The following SLC16A12 variants were observed in gnomAD, a reference collection of about 807,000 sequenced individuals.
SLC16A12 encodes solute carrier family 16 member 12.
Under a neutral mutation model 42.4 loss-of-function variants are expected in SLC16A12, and 17 were observed. The ratio of observed to expected loss-of-function variants is 0.40; its 90% confidence interval spans 0.27 to 0.60. The LOEUF is 0.60. SLC16A12 is among the 20% of genes least tolerant of loss of function. The pLI is 0.42. For synonymous variants in SLC16A12, 224 were observed against 229.4 expected (o/e 0.98, Z 0.21); for missense variants, 544 against 623.0 (o/e 0.87, Z 1.35).
intron 2 of SLC16A12, among the ~76,000 whole-genome samples, chr10:89,552,249 T>G (rs1244441518): frequency 3.3e-5 from 5 of 152,194 alleles, no homozygotes; most frequent in Non-Finnish European, 5.9e-5. Context: ...AGAGATGTAT[T>G]AATGTTGATT....
At chr10:89,539,461 T>G (rs981216880), upstream of SLC16A12, among the ~76,000 whole-genome samples, 1 of 152,212 alleles carries the variant, frequency 6.6e-6, no homozygotes, top group Middle Eastern at 3.2e-3. Context: ...TATTGCACCA[T>G]GGTTCAGTGG....
At chr10:89,436,462 T>C (rs1203748298) in intron 6 of SLC16A12, 143 bp from the exon 7 acceptor site, 1 of 1,014,374 alleles carries the variant, frequency 9.9e-7, no homozygotes, top group Non-Finnish European at 1.5e-6. Context: ...TGTCTTCCTA[T>C]CTTTCTTTTT....
intron 2 of SLC16A12, among the ~76,000 whole-genome samples, chr10:89,502,300 A>G (rs1309671394): frequency 6.6e-6 from 1 of 152,072 alleles, no homozygotes; most frequent in Non-Finnish European, 1.5e-5. Flanking sequence ...AATAAAAAAA[A>G]TTAGCCAGGC....
chr10:89,492,342 C>T lies in SLC16A12; in HGVS notation c.-46-29718G>A, dbSNP rs1192241848. Among the ~76,000 whole-genome samples, 3 of 152,002 alleles carry T rather than the reference C, an allele frequency of 2.0e-5. No homozygotes were observed. The East Asian group carries it at 5.8e-4, about 29-fold the overall frequency. On this transcript the variant is annotated intron_variant, in intron 2 of 7. Coordinates refer to ENST00000371790, the MANE Select transcript of SLC16A12 (RefSeq NM_213606.4). Reference sequence around the variant, plus strand: ...TTATCCACTAAAGGTTATTTTTGATCTTCCCTTTTATATGTCGCCCGAGAT... The same window carrying T: ...TTATCCACTAAAGGTTATTTTTGATTTTCCCTTTTATATGTCGCCCGAGAT...
chr10:89,473,687 G>T (rs966814172), intron 2 of SLC16A12, among the ~76,000 whole-genome samples: 1 of 152,096 alleles, frequency 6.6e-6, no homozygotes, highest in African/African-American at 2.4e-5. Context: ...ATTTCTAAAT[G>T]AACTCTACTA....
upstream of SLC16A12, among the ~76,000 whole-genome samples, chr10:89,537,145 G>GTT (rs376769096): frequency 5.0e-3 from 531 of 105,490 alleles, 6 homozygotes; most frequent in Middle Eastern, 0.027. Context: ...CCGTAGGTAT[G>GTT]TTTTTTTTTT....
Position 89,432,694 on chromosome 10 carries a change from A to C in SLC16A12, c.*370T>G. 5.1e-6 allele frequency: 1 copy of C among 196,536 alleles called. No homozygotes were observed. The allele number at this position is 196,536 out of a possible 1,614,324, so 12.2% of individuals were successfully genotyped here. On this transcript the variant is annotated 3_prime_UTR_variant, in exon 8 of 8. Transcript: ENST00000371790. The stretch of plus-strand genomic sequence containing the variant: ...TTTCCATTTTCTTTCTGAGGAGGGA[A>C]CATGAAGGGCCTGAGACTGGAACAA...
In SLC16A12 at chr10:89,459,743, C is replaced by A. The variant is rs910687405; in HGVS notation, c.200+2636G>T. The stretch of plus-strand genomic sequence containing the variant: ...TCACCTGAGGTCAGGAGTTTGAGAC[C>A]ATCCTGGCCAACATGGTGAAACCCC... On this transcript the variant is annotated intron_variant, in intron 3 of 7. Coordinates refer to ENST00000371790, the MANE Select transcript of SLC16A12 (RefSeq NM_213606.4). Among the ~76,000 whole-genome samples, 73 of 152,202 alleles carry A rather than the reference C, an allele frequency of 4.8e-4. 1 individual carries two copies. Among genetic ancestry groups the A allele is most frequent in the Non-Finnish European group, 9.0e-4 (61 of 68,006 alleles).
At position 89,430,755 on chromosome 10, in the gene SLC16A12, T is replaced by C; in HGVS notation, c.*2309A>G. The C allele has an allele frequency of 2.2e-6, 1 of 461,930 alleles. No homozygotes were observed. The highest frequency in any genetic ancestry group is 4.5e-6 in the Non-Finnish European group (1 of 224,616). The allele number at this position is 461,930 out of a possible 1,614,324, so 28.6% of individuals were successfully genotyped here. ...CCCAAATGTTTTTATACAAAATCTT[T>C]AAAATTTCTGATCACTATGCTTATT... is the stretch of plus-strand genomic sequence containing the variant. On this transcript the variant is annotated 3_prime_UTR_variant, in exon 8 of 8. Coordinates refer to ENST00000371790, the MANE Select transcript of SLC16A12 (RefSeq NM_213606.4).
intron 6 of SLC16A12, among the ~76,000 whole-genome samples, chr10:89,437,421 T>C (rs965288454): frequency 4.6e-5 from 7 of 152,172 alleles, no homozygotes; most frequent in African/African-American, 1.7e-4. Context: ...AGGCAAATAT[T>C]GCACTGGCTC....
At chr10:89,550,103 G>A (rs549936234) in intron 2 of SLC16A12, among the ~76,000 whole-genome samples, 2 of 152,028 alleles carry the variant, frequency 1.3e-5, no homozygotes, top group East Asian at 1.9e-4. Context: ...CATCTGCACT[G>A]TGACAACATC....
chr10:89,440,073 CAAAAAAAAAA>C (rs10674171), intron 5 of SLC16A12, among the ~76,000 whole-genome samples: 5 of 31,430 alleles, frequency 1.6e-4, no homozygotes, highest in South Asian at 2.0e-3. Flanking sequence ...GACCCTGTCT[CAAAAAAAAAA>C]AAAAAAAAAA....
At position 89,439,121 on chromosome 10, in the gene SLC16A12, G is replaced by T. The variant is rs371779195; in HGVS notation, c.511C>A (p.Arg171=). The change falls in exon 6 of 8, where the codon CGG becomes AGG. Residue 171 remains arginine, a synonymous_variant. Transcript: ENST00000371790. Reference sequence around the variant, plus strand: ...GCGATACCATAAGCAAGGGCTTTCCGTCTGCTGAAGTACTTGCCAACCATG... The same window carrying T: ...GCGATACCATAAGCAAGGGCTTTCCTTCTGCTGAAGTACTTGCCAACCATG... ...IAMVGKYFSR[R]KALAYGIAMS... 2.5e-6 allele frequency: 4 copies of T among 1,613,906 alleles called. No homozygotes were observed. Among genetic ancestry groups the T allele is most frequent in the Admixed American group, 1.7e-5 (1 of 59,986 alleles).
At chr10:89,507,017 A>C (rs1843073456) in intron 2 of SLC16A12, among the ~76,000 whole-genome samples, 1 of 152,166 alleles carries the variant, frequency 6.6e-6, no homozygotes, top group Non-Finnish European at 1.5e-5. Context: ...CAAGAAGACA[A>C]GATTAGAGAA....
intron 2 of SLC16A12, among the ~76,000 whole-genome samples, chr10:89,549,960 T>C (rs747975431): frequency 1.3e-5 from 2 of 152,208 alleles, no homozygotes; most frequent in African/African-American, 4.8e-5. Flanking sequence ...AACTCTACTT[T>C]ATGGTTTTAT....
At chr10:89,459,514 T>TTGTGTGTGTGTGTGTGTG (rs1385309778) in intron 3 of SLC16A12, among the ~76,000 whole-genome samples, 1 of 84,878 alleles carries the variant, frequency 1.2e-5, no homozygotes, top group Non-Finnish European at 2.6e-5. Context: ...GTTTCTGTGT[T>TTGTGTGTGTGTGTGTGTG]TATGTGTGTG....
intron 2 of SLC16A12, among the ~76,000 whole-genome samples, chr10:89,520,061 C>T (rs1318694079): frequency 2.0e-5 from 3 of 149,228 alleles, no homozygotes; most frequent in Non-Finnish European, 3.0e-5. Context: ...TGCAGTGAGC[C>T]GAGATCGCGC....
Position 89,503,648 on chromosome 10 carries a change from C to T in SLC16A12, c.-47+30853G>A, listed in dbSNP as rs1843019897. On this transcript the variant is annotated intron_variant, in intron 2 of 7. Coordinates refer to ENST00000371790, the MANE Select transcript of SLC16A12 (RefSeq NM_213606.4). ...GTAGTAGCCTGAAAAGACCATGGGG[C>T]CAGGTGAGTCAAGAAGGGTGGGTGT... Among the ~76,000 whole-genome samples the T allele has an allele frequency of 2.6e-5, 4 of 152,214 alleles. No homozygotes were observed. In the South Asian group the frequency reaches 8.3e-4, roughly 32 times the overall value.
At position 89,436,069 on chromosome 10, in the gene SLC16A12, G is replaced by T; in HGVS notation, c.1279C>A (p.Pro427Thr). ...LHAVPYLVSP[P>T]IAGRLVDTTG... ...CTCTCTGGAAACTTACCTGCGATGG[G>T]TGGGCTCACCAAGTATGGCACTGCG... The change falls in exon 7 of 8, where the codon CCC (proline) becomes ACC (threonine). Residue 427 changes from proline (P) to threonine (T), a missense_variant. Transcript: ENST00000371790. The T allele has an allele frequency of 6.2e-7, 1 of 1,613,782 alleles. No individual in the cohort carries two copies. Among genetic ancestry groups the T allele is most frequent in the South Asian group, 1.1e-5 (1 of 91,058 alleles).
Sources: gnomAD v4.1 joint callset for allele counts (sites outside exome capture counted in the v4.1 genomes callset) on GRCh38, gnomAD v4.1.1 for gene constraint, MANE v1.5 for transcripts, NCBI Gene and HGNC (gene_info 2026-07-23, HGNC 2026-07-21) for gene names.